Variants in STPG2 observed in about 807,000 individuals in gnomAD.
STPG2 encodes the protein sperm-tail PG-rich repeat-containing protein 2.
In STPG2, 56 loss-of-function variants were observed where a neutral mutation model predicts 54.2. The observed-to-expected ratio is 1.03, with a 90% confidence interval of 0.83 to 1.29. STPG2 has a LOEUF of 1.29. Among genes scored for constraint, STPG2 ranks in the 50% most tolerant of loss-of-function variants. The pLI is 0.00. For synonymous variants in STPG2, 200 were observed against 181.8 expected, an observed-to-expected ratio of 1.10 and a Z score of -0.81; for missense variants, 596 against 544.9, an observed-to-expected ratio of 1.09 and a Z score of -0.93.
In STPG2 at chr4:98,075,714, G is replaced by C. The variant is rs187755290; in HGVS notation, c.612+30239C>G. 6.6e-5 allele frequency among the ~76,000 whole-genome samples: 10 copies of C among 152,154 alleles called. No individual in the cohort carries two copies. In the East Asian group the frequency reaches 1.9e-3, roughly 29 times the overall value. ...CAAAAACCTTCACCATTCTTTCTAAGATACTTAAGTATGTGACTGAATAGT... is the reference window on the plus strand; with the variant it reads ...CAAAAACCTTCACCATTCTTTCTAACATACTTAAGTATGTGACTGAATAGT... On this transcript the variant is annotated intron_variant, in intron 5 of 10. Transcript: ENST00000295268.
intron 9 of STPG2, among the ~76,000 whole-genome samples, chr4:97,714,716 A>G (rs949908537): frequency 4.6e-5 from 7 of 152,284 alleles, no homozygotes; most frequent in South Asian, 4.1e-4. Flanking sequence ...GGGAAAATAT[A>G]TCATCGACCA....
chr4:97,464,079 A>G (rs1343660771), intron 4 of STPG2, among the ~76,000 whole-genome samples: 1 of 152,172 alleles, frequency 6.6e-6, no homozygotes, highest in Non-Finnish European at 1.5e-5. Flanking sequence ...AAATATTTGC[A>G]TGAAGGTTTT....
At chr4:97,473,179 T>C (rs1281394894) in intron 4 of STPG2, among the ~76,000 whole-genome samples, 2 of 152,040 alleles carry the variant, frequency 1.3e-5, no homozygotes, top group Non-Finnish European at 1.5e-5. Flanking sequence ...CTGGGCACCT[T>C]GAAAAAAGAA....
intron 10 of STPG2, among the ~76,000 whole-genome samples, chr4:97,700,563 C>T (rs1723739975): frequency 6.6e-6 from 1 of 152,196 alleles, no homozygotes; most frequent in African/African-American, 2.4e-5. Flanking sequence ...ATTTATTTCC[C>T]ATTTTCTGGC....
At chr4:97,538,523 C>T (rs192483176) in intron 4 of STPG2, among the ~76,000 whole-genome samples, 9 of 152,186 alleles carry the variant, frequency 5.9e-5, no homozygotes, top group African/African-American at 2.2e-4. Context: ...ACAAAGCCTC[C>T]AAGAAATATG....
At chr4:97,713,422 G>A (rs1318105203) in intron 9 of STPG2, among the ~76,000 whole-genome samples, 4 of 152,152 alleles carry the variant, frequency 2.6e-5, no homozygotes, top group Non-Finnish European at 5.9e-5. Context: ...TAAAGCCCAA[G>A]TTGAAAAGGT....
At chr4:97,541,271 G>A (rs1050715295) in intron 4 of STPG2, among the ~76,000 whole-genome samples, 6 of 152,020 alleles carry the variant, frequency 3.9e-5, no homozygotes, top group African/African-American at 1.4e-4. Context: ...CTTCAGCAAA[G>A]TCTCAGGATA....
intron 8 of STPG2, among the ~76,000 whole-genome samples, chr4:97,879,187 T>C (rs1270614123): frequency 1.3e-5 from 2 of 152,338 alleles, no homozygotes; most frequent in Admixed American, 1.3e-4. Flanking sequence ...TCTAGGAAGT[T>C]CCAAACTTTC....
intron 10 of STPG2, among the ~76,000 whole-genome samples, chr4:97,608,359 A>T (rs191379729): frequency 2.6e-5 from 4 of 152,086 alleles, no homozygotes; most frequent in African/African-American, 9.6e-5. Flanking sequence ...TGGCCATCAC[A>T]TTGTAATGCT....
chr4:97,904,632 G>A (rs1253161924), intron 8 of STPG2, among the ~76,000 whole-genome samples: 1 of 151,092 alleles, frequency 6.6e-6, no homozygotes, highest in Non-Finnish European at 1.5e-5. Context: ...GCTGATAGAA[G>A]AAGGATTCAG....
chr4:97,520,384 C>T (rs942328862), intron 4 of STPG2, among the ~76,000 whole-genome samples: 4 of 151,996 alleles, frequency 2.6e-5, no homozygotes, highest in Non-Finnish European at 5.9e-5. Context: ...CTAGCCTTGA[C>T]CAATCGCCAA....
intron 8 of STPG2, among the ~76,000 whole-genome samples, chr4:97,904,488 A>G (rs556002118): frequency 5.3e-5 from 8 of 152,328 alleles, no homozygotes; most frequent in African/African-American, 1.9e-4. Context: ...AGTAGATAAA[A>G]CCACAAAGAT....
intron 7 of STPG2, among the ~76,000 whole-genome samples, chr4:97,957,646 A>G (rs529093754): frequency 6.6e-6 from 1 of 152,204 alleles, no homozygotes; most frequent in Non-Finnish European, 1.5e-5. Flanking sequence ...GAGGAAAAAA[A>G]CAATCTTAAG....
chr4:97,508,534 A>C (rs1730902405), intron 4 of STPG2, among the ~76,000 whole-genome samples: 1 of 152,144 alleles, frequency 6.6e-6, no homozygotes, highest in African/African-American at 2.4e-5. Flanking sequence ...AATGCAAATT[A>C]GATAACATTT....
chr4:97,519,512 T>G (rs1010604257), intron 4 of STPG2, among the ~76,000 whole-genome samples: 1 of 151,410 alleles, frequency 6.6e-6, no homozygotes, highest in Non-Finnish European at 1.5e-5. Flanking sequence ...GTGAGAAAAA[T>G]TTTTAAAAAA....
At chr4:97,779,570 C>T (rs529711153) in intron 9 of STPG2, among the ~76,000 whole-genome samples, 1 of 152,014 alleles carries the variant, frequency 6.6e-6, no homozygotes, top group Non-Finnish European at 1.5e-5. Flanking sequence ...AAATTCAGGA[C>T]ATACAGAGAC....
intron 8 of STPG2, among the ~76,000 whole-genome samples, chr4:97,874,541 A>T (rs1294711711): frequency 1.3e-5 from 2 of 151,814 alleles, no homozygotes; most frequent in Non-Finnish European, 3.0e-5. Context: ...ATCCACGTGG[A>T]AACAGTGATC....
intron 10 of STPG2, among the ~76,000 whole-genome samples, chr4:97,691,597 G>A (rs181468835): frequency 5.3e-5 from 8 of 152,134 alleles, no homozygotes; most frequent in Admixed American, 4.6e-4. Context: ...TACCCGCCCT[G>A]GTAGCACAAG....
intron 10 of STPG2, among the ~76,000 whole-genome samples, chr4:97,581,975 C>G (rs1732873419): frequency 6.6e-6 from 1 of 151,870 alleles, no homozygotes; most frequent in Admixed American, 6.6e-5. Flanking sequence ...TCCACTTATT[C>G]TGTTCCGAGT....
Sources: allele counts gnomAD v4.1 joint callset (sites outside exome capture counted in the v4.1 genomes callset), GRCh38; gene constraint gnomAD v4.1.1; transcripts MANE v1.5; gene names NCBI Gene and HGNC (gene_info 2026-07-23, HGNC 2026-07-21).